The following LRP1B variants were observed in gnomAD, a reference collection of about 807,000 sequenced individuals.
LRP1B encodes the protein LDL receptor related protein 1B.
LRP1B carries 217 observed loss-of-function variants against 556.6 expected under a neutral mutation model. The observed-to-expected ratio is 0.39, with a 90% CI of 0.35 to 0.44. The LOEUF (loss-of-function observed/expected upper bound fraction) is 0.44, where lower values mean the gene tolerates loss of function less well. LRP1B is among the 20% of genes least tolerant of loss of function. The probability of loss-of-function intolerance (pLI) is 1.00; values close to 1 mark genes in which losing one functional copy is unlikely to be tolerated. For missense variants in LRP1B, 5,053 were observed against 5,620.8 expected (o/e 0.90, Z 3.23); for synonymous variants, 2,047 against 1,865.8 (o/e 1.10, Z -2.50).
At chr2:141,267,063 A>G (rs560524057) in intron 3 of LRP1B, among the ~76,000 whole-genome samples, 1 of 152,342 alleles carries the variant, frequency 6.6e-6, no homozygotes, top group African/African-American at 2.4e-5. Flanking sequence ...AGATTTAAAC[A>G]CAGTAATTCA....
Position 140,886,247 on chromosome 2 carries a change from A to C in LRP1B, c.3855T>G (p.Pro1285=), listed in dbSNP as rs1167852663. ...LHKRDYSLLV[P]GLRNTIALDF... is the part of the protein sequence containing the mutation. ...CAAGTGCTATTGTGTTTCTCAATCC[A>C]GGAACAAGTAGACTATAGTCTCTTT... Residue 1285 remains proline, a synonymous_variant, in exon 24 of 91, where the codon CCT becomes CCG. Transcript: ENST00000389484. The C allele has an allele frequency of 1.9e-6, 3 of 1,609,948 alleles. No individual in the cohort carries two copies. Among genetic ancestry groups the C allele is most frequent in the East Asian group, 4.5e-5 (2 of 44,656 alleles).
chr2:141,398,572 C>T (rs564237681), intron 3 of LRP1B, among the ~76,000 whole-genome samples: 3 of 152,200 alleles, frequency 2.0e-5, no homozygotes, highest in Middle Eastern at 3.4e-3. Flanking sequence ...ATTGTACCCC[C>T]GGCTGACAGG....
rs554217434 is a variant in LRP1B, at chr2:141,857,225, AT to A, written c.83-46825del. On this transcript the variant is annotated intron_variant, in intron 1 of 90. Transcript: ENST00000389484. ...TCTTTTTTAGCTTCCACTTCCAGTT[AT>A]TTTTTTTTCCTTTCATCCCTAAGAT... 3.7e-4 allele frequency among the ~76,000 whole-genome samples: 56 copies of A among 151,244 alleles called. No homozygotes were observed. In the South Asian group the frequency reaches 8.0e-3, roughly 22 times the overall value.
intron 1 of LRP1B, among the ~76,000 whole-genome samples, chr2:141,974,799 A>G (rs1701839850): frequency 6.6e-6 from 1 of 152,076 alleles, no homozygotes; most frequent in Non-Finnish European, 1.5e-5. Context: ...TTGAAATGAC[A>G]GATATTAAGC....
chr2:140,856,154 T>C (rs915645481), intron 27 of LRP1B, among the ~76,000 whole-genome samples: 1 of 152,200 alleles, frequency 6.6e-6, no homozygotes, highest in Admixed American at 6.5e-5. Flanking sequence ...ATACACATTG[T>C]GTACACACTA....
chr2:141,245,601 G>A (rs950736112), intron 5 of LRP1B, among the ~76,000 whole-genome samples: 2 of 152,136 alleles, frequency 1.3e-5, no homozygotes, highest in Non-Finnish European at 2.9e-5. Flanking sequence ...ATTCTGTATA[G>A]TATTTCCTTA....
intron 2 of LRP1B, among the ~76,000 whole-genome samples, chr2:141,552,321 G>T (rs1425689013): frequency 6.6e-6 from 1 of 151,942 alleles, no homozygotes; most frequent in Non-Finnish European, 1.5e-5. Flanking sequence ...GAACTCAAAG[G>T]TCTAGTACTC....
At chr2:140,477,089 G>A (rs1194909226) in intron 59 of LRP1B, among the ~76,000 whole-genome samples, 1 of 151,950 alleles carries the variant, frequency 6.6e-6, no homozygotes, top group Non-Finnish European at 1.5e-5. Flanking sequence ...TAAATTTATG[G>A]AGAAGTACCT....
chr2:141,079,565 G>A (rs1196738420), intron 7 of LRP1B, among the ~76,000 whole-genome samples: 1 of 152,160 alleles, frequency 6.6e-6, no homozygotes, highest in Non-Finnish European at 1.5e-5. Context: ...AAGCAATAAT[G>A]CTCTGAAAAG....
At position 140,501,750 on chromosome 2, in the gene LRP1B, T is replaced by C; in HGVS notation, c.8787A>G (p.Glu2929=). 2.5e-6 allele frequency: 4 copies of C among 1,612,876 alleles called. No homozygotes were observed. Among genetic ancestry groups the C allele is most frequent in the African/African-American group, 1.3e-5 (1 of 74,980 alleles). Residue 2929 remains glutamate, a synonymous_variant, in exon 55 of 91, where the codon GAA becomes GAG. Coordinates refer to ENST00000389484, the MANE Select transcript of LRP1B (RefSeq NM_018557.3). ...GSDERNCHIN[E]CLSKKVSGCS... ...ATCCACTGACTTTCTTACTCAAACA[T>C]TCATTTATATGGCAGTTTCTCTCAT...
At chr2:141,707,010 T>TTACCTAA (rs1270933954) in intron 2 of LRP1B, among the ~76,000 whole-genome samples, 1 of 152,114 alleles carries the variant, frequency 6.6e-6, no homozygotes, top group Non-Finnish European at 1.5e-5. Flanking sequence ...GACAATCAAA[T>TTACCTAA]TACCTAATAC....
At position 141,525,413 on chromosome 2, in the gene LRP1B, A is replaced by G. The variant is rs1684664504; in HGVS notation, c.206-44880T>C. On this transcript the variant is annotated intron_variant, in intron 2 of 90. Coordinates refer to ENST00000389484, the MANE Select transcript of LRP1B (RefSeq NM_018557.3). ...CTTGGGGTTTTTTTCATCCTTCTTCACTGCTTTAGCTGTGTAATCAATTTT... is the reference window on the plus strand; with the variant it reads ...CTTGGGGTTTTTTTCATCCTTCTTCGCTGCTTTAGCTGTGTAATCAATTTT... Among the ~76,000 whole-genome samples, 7 of 151,968 alleles carry G rather than the reference A, an allele frequency of 4.6e-5. No homozygotes were observed. The South Asian group carries it at 1.5e-3, about 31-fold the overall frequency.
intron 43 of LRP1B, among the ~76,000 whole-genome samples, chr2:140,545,839 T>C (rs764031079): frequency 1.4e-4 from 21 of 152,218 alleles, no homozygotes; most frequent in Non-Finnish European, 2.1e-4. Context: ...AATCTATAAA[T>C]TGCTTTAGGT....
chr2:140,751,222 ACCTCAGGTGATCCGCCTGC>A (rs1688568811), intron 35 of LRP1B, among the ~76,000 whole-genome samples: 1 of 151,964 alleles, frequency 6.6e-6, no homozygotes, highest in Non-Finnish European at 1.5e-5. Context: ...TGAACTCCTG[ACCTCAGGTGATCCGCCTGC>A]CTTGGCCTCC....
intron 7 of LRP1B, among the ~76,000 whole-genome samples, chr2:141,095,400 G>A (rs1475600353): frequency 2.4e-5 from 2 of 84,296 alleles, no homozygotes; most frequent in African/African-American, 7.7e-5. Context: ...GCAAAGGGTA[G>A]TAATCGTAAT....
intron 86 of LRP1B, among the ~76,000 whole-genome samples, chr2:140,252,816 T>C (rs1224141124): frequency 6.6e-6 from 1 of 152,076 alleles, no homozygotes; most frequent in Non-Finnish European, 1.5e-5. Flanking sequence ...TTTGTGGTGT[T>C]CCAAAATACT....
chr2:141,612,904 G>A (rs537759146), intron 2 of LRP1B, among the ~76,000 whole-genome samples: 1 of 152,198 alleles, frequency 6.6e-6, no homozygotes, highest in South Asian at 2.1e-4. Context: ...CCTGGTTCAT[G>A]CCATTTTCCC....
At chr2:140,772,043 C>T (rs1689330165) in intron 33 of LRP1B, among the ~76,000 whole-genome samples, 1 of 152,176 alleles carries the variant, frequency 6.6e-6, no homozygotes, top group Admixed American at 6.6e-5. Flanking sequence ...TGGGAGATTT[C>T]TCATCAGGAG....
At chr2:141,692,825 A>C (rs1381251118) in intron 2 of LRP1B, among the ~76,000 whole-genome samples, 1 of 152,058 alleles carries the variant, frequency 6.6e-6, no homozygotes, top group Non-Finnish European at 1.5e-5. Context: ...CAGCAACTGT[A>C]ATACAATGGA....
Sources: gnomAD v4.1 joint callset for allele counts (sites outside exome capture counted in the v4.1 genomes callset) on GRCh38, gnomAD v4.1.1 for gene constraint, MANE v1.5 for transcripts, NCBI Gene and HGNC (gene_info 2026-07-23, HGNC 2026-07-21) for gene names.